Variants in LRRC37B observed in about 807,000 individuals in gnomAD.
LRRC37B encodes leucine rich repeat containing 37B.
LRRC37B carries 28 observed loss-of-function variants against 98.3 expected under a neutral mutation model. The ratio of observed to expected loss-of-function variants is 0.28; its 90% CI spans 0.21 to 0.39. The LOEUF is 0.39. Ranked by LOEUF, LRRC37B falls within the 10% of genes least tolerant of loss-of-function variation. LRRC37B has a pLI of 1.00. For synonymous variants in LRRC37B, 364 were observed against 442.7 expected, an observed-to-expected ratio of 0.82 and a Z score of 2.23; for missense variants, 938 against 1,182.7, an observed-to-expected ratio of 0.79 and a Z score of 3.03.
intron 1 of LRRC37B, among the ~76,000 whole-genome samples, chr17:32,013,064 AT>A (rs775724625): frequency 9.9e-5 from 15 of 152,212 alleles, no homozygotes; most frequent in Non-Finnish European, 2.1e-4. Flanking sequence ...CTAATATAAA[AT>A]TAGTGTTTTA....
exon 1 of LRRC37B, chr17:32,021,493 C>T (rs185347397): frequency 2.4e-5 from 39 of 1,613,998 alleles, no homozygotes. Flanking sequence ...CCGTTCTTGG[C>T]TGCACATCAG....
chr17:32,017,689 G>C (rs971210444), upstream of LRRC37B, among the ~76,000 whole-genome samples: 2 of 152,120 alleles, frequency 1.3e-5, no homozygotes, highest in Admixed American at 6.5e-5. Context: ...CTACTCTGGA[G>C]GCTGAGGCAA....
upstream of LRRC37B, chr17:32,018,008 A>G: frequency 4.5e-6 from 1 of 221,334 alleles, no homozygotes; most frequent in Non-Finnish European, 9.6e-6. Flanking sequence ...AGACCCAGTG[A>G]AGAGATTGTA....
At chr17:32,052,461 C>T (rs1331480872) in intron 11 of LRRC37B, 3 of 152,104 alleles carry the variant, frequency 2.0e-5, no homozygotes, top group South Asian at 4.1e-4. Context: ...GAATTGTCCG[C>T]TGAATGTTAG....
chr17:32,014,948 A>G (rs1015140339), intron 1 of LRRC37B, among the ~76,000 whole-genome samples: 3 of 152,292 alleles, frequency 2.0e-5, no homozygotes, highest in Admixed American at 1.3e-4. Flanking sequence ...CCTGGCCAAC[A>G]TGGTGAGACC....
intron 7 of LRRC37B, chr17:32,041,755 G>C (rs747144051): frequency 2.2e-6 from 1 of 457,816 alleles, no homozygotes; most frequent in South Asian, 1.5e-5. Context: ...AACGGTGACG[G>C]CTCCCTTCCT....
chr17:32,041,195 G>A (rs1375035841), intron 7 of LRRC37B: 1 of 772,274 alleles, frequency 1.3e-6, no homozygotes, highest in South Asian at 1.3e-5. Flanking sequence ...ATAAGCCCAA[G>A]TTCTGGGAGC....
In LRRC37B at chr17:32,040,996, A is replaced by C. The variant is rs749418957; in HGVS notation, c.2205-4704A>C. On this transcript the variant is annotated intron_variant, in intron 7 of 11. Coordinates refer to ENST00000327564, the Ensembl canonical transcript of LRRC37B. Reference sequence around the variant, plus strand: ...CGTCAGGCGCTGGAGAAGTTTGAGGACTCCAAGGAGGTAGCAGAAACCAGC... The same window carrying C: ...CGTCAGGCGCTGGAGAAGTTTGAGGCCTCCAAGGAGGTAGCAGAAACCAGC... 1.7e-5 allele frequency: 14 copies of C among 807,584 alleles called. No homozygotes were observed. The Admixed American group carries it at 2.2e-4, about 13-fold the overall frequency. 50.0% of individuals were successfully genotyped at this position (807,584 alleles called of 1,614,324 possible). A position where few individuals can be genotyped will look rare whatever the true frequency, so the allele number is the denominator to read the frequency against.
chr17:32,042,006 A>G, intron 7 of LRRC37B: 1 of 356,674 alleles, frequency 2.8e-6, no homozygotes, highest in Non-Finnish European at 5.6e-6. Flanking sequence ...ATCCCTCCAC[A>G]AGCCTGCTCC....
chr17:32,020,934 TGTTCCGGCCTGGCGGGGTGGGAAGGGGC>T, upstream of LRRC37B: 6 of 1,329,914 alleles, frequency 4.5e-6, no homozygotes, highest in Non-Finnish European at 5.9e-6. Context: ...AGGGGAGGGG[TGTTCCGGCCTGGCGGGGTGGGAAGGGGC>T]GCTTGGGCGG....
upstream of LRRC37B, among the ~76,000 whole-genome samples, chr17:32,017,413 A>G (rs1020905147): frequency 2.0e-5 from 3 of 152,164 alleles, no homozygotes; most frequent in Admixed American, 6.5e-5. Context: ...TTGTGTCCAC[A>G]TTTTTCATTT....
intron 9 of LRRC37B, chr17:32,048,896 G>T: frequency 1.3e-6 from 2 of 1,503,384 alleles, no homozygotes; most frequent in South Asian, 2.3e-5. Context: ...CACAACTAAT[G>T]TAAAAGACAC....
At chr17:32,024,541 A>G (rs1910888894) in intron 1 of LRRC37B, 170 bp from the exon 5 acceptor site, 1 of 1,123,058 alleles carries the variant, frequency 8.9e-7, no homozygotes, top group Non-Finnish European at 1.3e-6. Context: ...GTGGCCCCGC[A>G]TTATTTCTTG....
intron 2 of LRRC37B, among the ~76,000 whole-genome samples, chr17:32,026,358 T>TA (rs1910952528): frequency 6.6e-6 from 1 of 152,108 alleles, no homozygotes; most frequent in African/African-American, 2.4e-5. Flanking sequence ...CTACTGAAAA[T>TA]ACAGAAATTA....
intron 7 of LRRC37B, chr17:32,040,921 T>G (rs940126375): frequency 4.1e-6 from 4 of 964,400 alleles, no homozygotes; most frequent in Non-Finnish European, 6.8e-6. Context: ...GGCCGCCGCC[T>G]GGACTTTGAC....
At chr17:32,013,385 T>G (rs1598200554) in intron 1 of LRRC37B, among the ~76,000 whole-genome samples, 1 of 152,310 alleles carries the variant, frequency 6.6e-6, no homozygotes, top group Non-Finnish European at 1.5e-5. Context: ...TTAATTAATG[T>G]GTGTTGGACC....
In LRRC37B at chr17:32,021,432, C is replaced by T. The variant is rs1190138162; in HGVS notation, c.367C>T (p.Pro123Ser). The T allele has an allele frequency of 1.9e-6, 3 of 1,613,760 alleles. No homozygotes were observed. The highest frequency in any genetic ancestry group is 2.2e-5 in the East Asian group (1 of 44,896). The change falls in exon 1 of 12, where the codon CCA becomes TCA. Residue 123 changes from proline to serine, a missense_variant. By Grantham distance (74) the Pro-to-Ser change is moderately conservative (BLOSUM62 -1). Coordinates refer to ENST00000327564, the Ensembl canonical transcript of LRRC37B. ...TCAGGAACCAACTGAAAATTTGGCT[C>T]CATTCCTGAAGGAATTGGATTCAGC...
chr17:32,018,446 T>TGA (rs1328166535), upstream of LRRC37B, among the ~76,000 whole-genome samples: 3 of 152,272 alleles, frequency 2.0e-5, no homozygotes, highest in Non-Finnish European at 4.4e-5. Flanking sequence ...TGTGAAACTC[T>TGA]GAAACTGCTT....
intron 7 of LRRC37B, chr17:32,040,595 C>A (rs1292805987): frequency 6.5e-6 from 5 of 772,354 alleles, no homozygotes. Flanking sequence ...CCATCAAGTA[C>A]CTGCAGCCCA....
Sources: gnomAD v4.1 joint callset for allele counts (sites outside exome capture counted in the v4.1 genomes callset) on GRCh38, gnomAD v4.1.1 for gene constraint, MANE v1.5 for transcripts, NCBI Gene and HGNC (gene_info 2026-07-23, HGNC 2026-07-21) for gene names.